TMCO5A: variants seen among roughly 807,000 people sequenced by gnomAD.
TMCO5A encodes the protein transmembrane and coiled-coil domains 5A, also known as transmembrane and coiled-coil domain-containing protein 5A.
Under a neutral mutation model 42.3 loss-of-function variants are expected in TMCO5A, and 34 were observed. The ratio of observed to expected loss-of-function variants is 0.80; its 90% confidence interval spans 0.61 to 1.07. The LOEUF (loss-of-function observed/expected upper bound fraction) is 1.07, where lower values mean the gene tolerates loss of function less well. Among genes scored for constraint, TMCO5A ranks in the 50% least tolerant of loss-of-function variants. The pLI is 0.00. For synonymous variants in TMCO5A, 131 were observed against 115.6 expected, an observed-to-expected ratio of 1.13 and a Z score of -0.86; for missense variants, 357 against 327.9, an observed-to-expected ratio of 1.09 and a Z score of -0.69.
the TMCO5A span, among the ~76,000 whole-genome samples, chr15:38,006,882 A>G: frequency 6.6e-6 from 1 of 151,712 alleles, no homozygotes; most frequent in Non-Finnish European, 1.5e-5. Context: ...GTAACAAGTC[A>G]CCTAGTAAAT....
intron 11 of TMCO5A, among the ~76,000 whole-genome samples, chr15:37,965,826 C>T (rs1282241434): frequency 6.6e-6 from 1 of 152,100 alleles, no homozygotes; most frequent in Non-Finnish European, 1.5e-5. Context: ...TTAGTACAAC[C>T]ACTATGGAGA....
chr15:37,936,197 T>C (rs944335003), intron 2 of TMCO5A, 117 bp from the exon 3 acceptor site: 1 of 1,146,014 alleles, frequency 8.7e-7, no homozygotes, highest in South Asian at 1.9e-5. Flanking sequence ...GAAAATGGTA[T>C]GCCCCCAGAG....
At chr15:38,018,855 A>G in the TMCO5A span, among the ~76,000 whole-genome samples, 1,209 of 152,254 alleles carry the variant, frequency 7.9e-3, 10 homozygotes, top group Admixed American at 0.01. Context: ...CAATTTATGC[A>G]TAAGAAATGA....
At chr15:38,010,679 C>T in the TMCO5A span, among the ~76,000 whole-genome samples, 6 of 152,280 alleles carry the variant, frequency 3.9e-5, no homozygotes, top group African/African-American at 1.4e-4. Context: ...TTTTAACCCA[C>T]CAACTTTGTG....
At chr15:37,982,978 C>T in the TMCO5A span, among the ~76,000 whole-genome samples, 3 of 151,840 alleles carry the variant, frequency 2.0e-5, no homozygotes, top group African/African-American at 7.3e-5. Flanking sequence ...ATCAATCTAC[C>T]TTTCCCCTCC....
At chr15:37,937,070 C>A in intron 4 of TMCO5A, 100 bp downstream of exon 4, 1 of 1,501,464 alleles carries the variant, frequency 6.7e-7, no homozygotes, top group Admixed American at 2.0e-5. Context: ...TATACATGAA[C>A]AGTAGCCATC....
intron 11 of TMCO5A, among the ~76,000 whole-genome samples, chr15:37,961,380 A>G (rs1595608185): frequency 1.3e-5 from 2 of 152,004 alleles, no homozygotes; most frequent in African/African-American, 2.4e-5. Context: ...TGAGTTCTCT[A>G]TTCTGTTCCA....
the TMCO5A span, among the ~76,000 whole-genome samples, chr15:37,981,560 T>C: frequency 6.6e-6 from 1 of 152,152 alleles, no homozygotes; most frequent in Admixed American, 6.5e-5. Context: ...CAAGCGCATG[T>C]AGGTTCAGCT....
the TMCO5A span, among the ~76,000 whole-genome samples, chr15:38,016,673 G>T: frequency 6.6e-6 from 1 of 152,114 alleles, no homozygotes; most frequent in Admixed American, 6.6e-5. Context: ...CAAAGGAAAG[G>T]TATATAATAA....
the TMCO5A span, among the ~76,000 whole-genome samples, chr15:38,027,537 C>A: frequency 2.6e-5 from 4 of 152,104 alleles, no homozygotes; most frequent in African/African-American, 9.7e-5. Context: ...AGACTTTGGA[C>A]TGTGGGCTTT....
the TMCO5A span, among the ~76,000 whole-genome samples, chr15:38,018,659 T>G: frequency 6.6e-6 from 1 of 151,124 alleles, no homozygotes; most frequent in Non-Finnish European, 1.5e-5. Flanking sequence ...ACGAAAAAAA[T>G]AGAGAAAATG....
chr15:37,965,804 TG>T (rs1166105938), intron 11 of TMCO5A, among the ~76,000 whole-genome samples: 3 of 152,168 alleles, frequency 2.0e-5, no homozygotes, highest in African/African-American at 7.2e-5. Flanking sequence ...ACATTGTTAG[TG>T]GGAATGTAAG....
At position 37,937,395 on chromosome 15, in the gene TMCO5A, A is replaced by C. The variant is rs1889557886; in HGVS notation, c.314A>C (p.Lys105Thr). 1 of 1,613,042 alleles carries C rather than the reference A, an allele frequency of 6.2e-7. No homozygotes were observed. Among genetic ancestry groups the C allele is most frequent in the South Asian group, 1.1e-5 (1 of 91,068 alleles). ...CACAGTATAACAGAACTTCAACAAA[A>C]GGTGAGGTAGGGTACTTGTGTTCTC... The part of the protein sequence containing the change: ...LVHSITELQQ[K>T]LTRKSQKITN... The change falls in exon 5 of 12, where the codon AAG becomes ACG. Residue 105 changes from lysine (K) to threonine (T), a missense_variant and splice_region_variant. Lys to Thr is a moderately conservative substitution (Grantham distance 78). Transcript: ENST00000319669.
the TMCO5A span, among the ~76,000 whole-genome samples, chr15:38,031,118 T>G: frequency 0.2 from 30,291 of 152,080 alleles, 3,118 homozygotes; most frequent in South Asian, 0.32. Flanking sequence ...AGAAATGAAG[T>G]CATGCCTCCA....
chr15:38,010,781 C>G, the TMCO5A span, among the ~76,000 whole-genome samples: 1 of 152,104 alleles, frequency 6.6e-6, no homozygotes, highest in Non-Finnish European at 1.5e-5. Flanking sequence ...GAGACAGTGC[C>G]TCACTCTGCC....
chr15:38,028,872 T>C, the TMCO5A span, among the ~76,000 whole-genome samples: 19 of 152,194 alleles, frequency 1.2e-4, no homozygotes, highest in African/African-American at 4.6e-4. Context: ...CTCTAAAAAC[T>C]ACTTCCTTGA....
the TMCO5A span, among the ~76,000 whole-genome samples, chr15:37,993,046 T>C: frequency 2.0e-5 from 3 of 152,288 alleles, no homozygotes; most frequent in East Asian, 5.8e-4. Flanking sequence ...AGTTATGATA[T>C]TTTTTAGCTC....
intron 11 of TMCO5A, 93 bp from the exon 12 acceptor site, chr15:37,950,943 A>T (rs2140287540): frequency 9.1e-7 from 1 of 1,098,534 alleles, no homozygotes; most frequent in East Asian, 2.4e-5. Context: ...TTGAATATCA[A>T]TTAGGAGCCA....
rs535750385 is a variant in TMCO5A, at chr15:37,967,013, T to G, written c.*370T>G. ...GCAGAGGTCTACTTCATTGCTAAAC[T>G]CTGTGTCTTCCTATAAGCAAAAATT... On this transcript the variant is annotated 3_prime_UTR_variant, in exon 12 of 12. Coordinates refer to the TMCO5A transcript ENST00000559502. The G allele has an allele frequency of 2.1e-5, 5 of 243,788 alleles. No individual in the cohort carries two copies. In the South Asian group the frequency reaches 4.8e-4, roughly 23 times the overall value. 15.1% of individuals were successfully genotyped at this position (243,788 alleles called of 1,614,324 possible). A position where few individuals can be genotyped will look rare whatever the true frequency, so the allele number is the denominator to read the frequency against.
Sources: gnomAD v4.1 joint callset for allele counts (sites outside exome capture counted in the v4.1 genomes callset) on GRCh38, gnomAD v4.1.1 for gene constraint, MANE v1.5 for transcripts, NCBI Gene and HGNC (gene_info 2026-07-23, HGNC 2026-07-21) for gene names.